The following FLRT2 variants were observed in gnomAD, a reference collection of about 807,000 sequenced individuals.
FLRT2 encodes the protein fibronectin leucine rich transmembrane protein 2.
FLRT2 carries 15 observed loss-of-function variants against 40.0 expected under a neutral mutation model. That is an observed-to-expected ratio of 0.38 (90% CI 0.25 to 0.58). The LOEUF (loss-of-function observed/expected upper bound fraction) is 0.58. Ranked by LOEUF, FLRT2 falls within the 20% of genes least tolerant of loss-of-function variation. The probability of loss-of-function intolerance (pLI) is 0.71; values close to 1 mark genes in which losing one functional copy is unlikely to be tolerated. For missense variants in FLRT2, 726 were observed against 840.0 expected, an observed-to-expected ratio of 0.86 and a Z score of 1.68; for synonymous variants, 380 against 336.8, an observed-to-expected ratio of 1.13 and a Z score of -1.41.
At chr14:85,586,446 T>A (rs558784279) in intron 1 of FLRT2, among the ~76,000 whole-genome samples, 1 of 152,182 alleles carries the variant, frequency 6.6e-6, no homozygotes, top group Non-Finnish European at 1.5e-5. Context: ...TCCAGAGATT[T>A]GCTGTACAAC....
chr14:85,560,960 T>G (rs1380356557), intron 1 of FLRT2: 3 of 152,200 alleles, frequency 2.0e-5, no homozygotes, highest in African/African-American at 7.2e-5. Context: ...CTTGTCACAT[T>G]ATCATAATTC....
At chr14:85,618,880 C>G (rs1267203218) in intron 1 of FLRT2, among the ~76,000 whole-genome samples, 1 of 151,970 alleles carries the variant, frequency 6.6e-6, no homozygotes, top group Admixed American at 6.6e-5. Context: ...ACTTGAGTAC[C>G]AAGATGTTAG....
intron 1 of FLRT2, among the ~76,000 whole-genome samples, chr14:85,556,980 A>G (rs1308661690): frequency 6.6e-6 from 1 of 152,314 alleles, no homozygotes; most frequent in African/African-American, 2.4e-5. Context: ...AAAATGAGGA[A>G]GACCCAGAAG....
chr14:85,571,850 A>G (rs1024742120), intron 1 of FLRT2, among the ~76,000 whole-genome samples: 2 of 152,206 alleles, frequency 1.3e-5, no homozygotes, highest in Non-Finnish European at 2.9e-5. Context: ...ATTCAGTGAA[A>G]TAGAAAGGTG....
At position 85,561,963 on chromosome 14, in the gene FLRT2, C is replaced by G. The variant is rs528340069; in HGVS notation, c.-377+31429C>G. Among the ~76,000 whole-genome samples, 85 of 152,300 alleles carry G rather than the reference C, an allele frequency of 5.6e-4. 1 individual carries two copies. The highest frequency in any genetic ancestry group is 1.9e-3 in the African/African-American group (80 of 41,568). On this transcript the variant is annotated intron_variant, in intron 1 of 1. Coordinates refer to ENST00000330753, the MANE Select transcript of FLRT2 (RefSeq NM_013231.6). ...TTCTCATCCTCACATCTATGTGACA[C>G]TTCTGTCACTTCCATGGACACATTC...
chr14:85,590,171 T>C (rs960291293), intron 1 of FLRT2, among the ~76,000 whole-genome samples: 2 of 152,088 alleles, frequency 1.3e-5, no homozygotes, highest in Non-Finnish European at 2.9e-5. Flanking sequence ...CCCCACCAAA[T>C]GTCAGTAGCA....
intron 1 of FLRT2, among the ~76,000 whole-genome samples, chr14:85,603,805 T>A (rs891135118): frequency 6.6e-6 from 1 of 152,234 alleles, no homozygotes; most frequent in African/African-American, 2.4e-5. Context: ...GAGGTGGAGA[T>A]TGCAGCGAGC....
intron 1 of FLRT2, among the ~76,000 whole-genome samples, chr14:85,616,842 T>A (rs1893158255): frequency 6.6e-6 from 1 of 152,244 alleles, no homozygotes; most frequent in African/African-American, 2.4e-5. Context: ...TGCATACAGC[T>A]GTATCCTCGT....
At chr14:85,559,077 C>G (rs1276729809) in intron 1 of FLRT2, among the ~76,000 whole-genome samples, 1 of 152,184 alleles carries the variant, frequency 6.6e-6, no homozygotes, top group Non-Finnish European at 1.5e-5. Flanking sequence ...CATGTGTACA[C>G]ATACATCACT....
chr14:85,570,561 T>TTTATTTA (rs541176244), intron 1 of FLRT2, among the ~76,000 whole-genome samples: 22 of 139,298 alleles, frequency 1.6e-4, no homozygotes, highest in South Asian at 4.7e-4. Flanking sequence ...TTTTTATTTA[T>TTTATTTA]TTTATTTATT....
chr14:85,557,531 C>CA (rs2139837504), intron 1 of FLRT2, among the ~76,000 whole-genome samples: 1 of 152,312 alleles, frequency 6.6e-6, no homozygotes, highest in African/African-American at 2.4e-5. Flanking sequence ...AAAAGCACGG[C>CA]AAGGCGCGGT....
chr14:85,569,542 A>G (rs1437542170), intron 1 of FLRT2, among the ~76,000 whole-genome samples: 1 of 152,196 alleles, frequency 6.6e-6, no homozygotes, highest in Non-Finnish European at 1.5e-5. Flanking sequence ...AATGTTAGAG[A>G]CAAAGGCACC....
rs763712328 is a variant in FLRT2 at position 85,623,579 on chromosome 14, T to A, written c.*82T>A. 13 of 1,118,710 alleles carry A rather than the reference T, an allele frequency of 1.2e-5. No homozygotes were observed. Among genetic ancestry groups the A allele is most frequent in the Non-Finnish European group, 1.6e-5 (13 of 834,052 alleles). 69.3% of individuals were successfully genotyped at this position (1,118,710 alleles called of 1,614,324 possible). On this transcript the variant is annotated 3_prime_UTR_variant, in exon 2 of 2. Transcript: ENST00000330753. ...TGTGTGCACATAAAGACACGCAGAT[T>A]ACATTTGATAAATGTTACACAGATG...
intron 1 of FLRT2, among the ~76,000 whole-genome samples, chr14:85,545,544 C>T (rs1176438210): frequency 6.6e-6 from 1 of 152,218 alleles, no homozygotes. Context: ...GAGCTGCTAA[C>T]CAGTGGTCCA....
rs1194651043 is a variant in FLRT2 at position 85,651,137 on chromosome 14, T to A, written c.*27640T>A. ...AACTTTTCTAATTCAATTATCTTTTTTGATTAATCAATTGTTTAGGATAAT... is the reference window on the plus strand; with the variant it reads ...AACTTTTCTAATTCAATTATCTTTTATGATTAATCAATTGTTTAGGATAAT... On this transcript the variant is annotated 3_prime_UTR_variant, in exon 2 of 2. Coordinates refer to ENST00000330753, the MANE Select transcript of FLRT2 (RefSeq NM_013231.6). The A allele has an allele frequency of 6.6e-6, 1 of 151,856 alleles. No individual in the cohort carries two copies. The highest frequency in any genetic ancestry group is 2.4e-5 in the African/African-American group (1 of 41,454). 9.4% of individuals were successfully genotyped at this position (151,856 alleles called of 1,614,324 possible).
chr14:85,563,251 G>A (rs760314635), intron 1 of FLRT2, among the ~76,000 whole-genome samples: 1 of 152,062 alleles, frequency 6.6e-6, no homozygotes, highest in Non-Finnish European at 1.5e-5. Context: ...TGTCACCAGG[G>A]CCTTACAACC....
intron 1 of FLRT2, among the ~76,000 whole-genome samples, chr14:85,608,381 C>G (rs1025932865): frequency 1.3e-5 from 2 of 152,010 alleles, no homozygotes; most frequent in African/African-American, 2.4e-5. Flanking sequence ...AAGAGCGAGC[C>G]TGCCACCATG....
intron 1 of FLRT2, chr14:85,551,917 A>C (rs1889650917): frequency 6.6e-6 from 1 of 152,154 alleles, no homozygotes; most frequent in African/African-American, 2.4e-5. Flanking sequence ...CCCTGTTTCT[A>C]GATTTCCAGA....
chr14:85,558,430 T>C (rs2139839532), intron 1 of FLRT2, among the ~76,000 whole-genome samples: 1 of 152,232 alleles, frequency 6.6e-6, no homozygotes, highest in Non-Finnish European at 1.5e-5. Context: ...GTTCAGGTGA[T>C]TTAAAAGGAG....
Sources: gnomAD v4.1 joint callset for allele counts (sites outside exome capture counted in the v4.1 genomes callset) on GRCh38, gnomAD v4.1.1 for gene constraint, MANE v1.5 for transcripts, NCBI Gene and HGNC (gene_info 2026-07-23, HGNC 2026-07-21) for gene names.